Variants in RAVER2 observed in about 807,000 individuals in gnomAD.
The protein encoded by RAVER2 is ribonucleoprotein PTB-binding 2.
In RAVER2, 46 loss-of-function variants were observed where a neutral mutation model predicts 78.1. The observed-to-expected ratio is 0.59, with a 90% confidence interval of 0.46 to 0.75. The LOEUF is 0.75. Ranked by LOEUF, RAVER2 falls within the 30% of genes least tolerant of loss-of-function variation. RAVER2 has a pLI of 0.00. For missense variants in RAVER2, 793 were observed against 837.5 expected (o/e 0.95, Z 0.66); for synonymous variants, 311 against 313.3 (o/e 0.99, Z 0.08).
intron 11 of RAVER2, among the ~76,000 whole-genome samples, chr1:64,821,164 T>C (rs1653878829): frequency 6.6e-6 from 1 of 152,212 alleles, no homozygotes; most frequent in East Asian, 1.9e-4. Flanking sequence ...TTCAGTGATA[T>C]TGAGCTTTTT....
intron 6 of RAVER2, 40 bp downstream of exon 6, chr1:64,803,101 G>A (rs748587464): frequency 1.3e-5 from 18 of 1,392,680 alleles, no homozygotes; most frequent in South Asian, 7.4e-5. Context: ...TTAAATATTC[G>A]GAGTGAATAT....
rs192475494 is a variant in RAVER2, at chr1:64,812,767, G to C, written c.1710G>C (p.Leu570Phe). The change falls in exon 10 of 12, where the codon TTG becomes TTC. Residue 570 changes from leucine to phenylalanine, a missense_variant. Coordinates refer to ENST00000294428, the Ensembl canonical transcript of RAVER2. ...CCTCTAAGAATCAAACTTCACTCTTGGGAGAACCACCAAAAGAAATTCGGC... is the reference window on the plus strand; with the variant it reads ...CCTCTAAGAATCAAACTTCACTCTTCGGAGAACCACCAAAAGAAATTCGGC... The C allele has an allele frequency of 3.1e-6, 5 of 1,611,962 alleles. No homozygotes were observed. The East Asian group carries it at 1.1e-4, about 36-fold the overall frequency.
chr1:64,789,042 C>T (rs956586678), intron 4 of RAVER2, among the ~76,000 whole-genome samples: 5 of 152,102 alleles, frequency 3.3e-5, no homozygotes, highest in Non-Finnish European at 7.3e-5. Flanking sequence ...TAAGAAGGCT[C>T]TTCTGTAGTA....
At chr1:64,807,417 G>A in exon 9 of RAVER2, 1 of 1,614,108 alleles carries the variant, frequency 6.2e-7, no homozygotes, top group South Asian at 1.1e-5. Context: ...GAAGCTTGCT[G>A]GTGGGACACC....
chr1:64,765,387 TA>T (rs762649274), intron 1 of RAVER2, among the ~76,000 whole-genome samples: 56 of 152,162 alleles, frequency 3.7e-4, no homozygotes, highest in Non-Finnish European at 6.8e-4. Context: ...AATGGATACA[TA>T]AATTATACTA....
At chr1:64,759,250 T>G (rs1187699864) in intron 1 of RAVER2, among the ~76,000 whole-genome samples, 1 of 151,996 alleles carries the variant, frequency 6.6e-6, no homozygotes, top group Non-Finnish European at 1.5e-5. Flanking sequence ...GACGGAGTCT[T>G]GCTGTTTTGC....
At chr1:64,769,610 TC>T (rs1238714977) in intron 2 of RAVER2, among the ~76,000 whole-genome samples, 2 of 152,010 alleles carry the variant, frequency 1.3e-5, no homozygotes, top group African/African-American at 4.8e-5. Flanking sequence ...ATGTATCCCT[TC>T]CAGGTGAAAG....
At chr1:64,764,627 A>C (rs1482219138) in intron 1 of RAVER2, among the ~76,000 whole-genome samples, 1 of 152,242 alleles carries the variant, frequency 6.6e-6, no homozygotes, top group Non-Finnish European at 1.5e-5. Context: ...ACACTGTAGG[A>C]GAATACACTC....
chr1:64,776,850 T>C (rs908441983), intron 2 of RAVER2, among the ~76,000 whole-genome samples: 2 of 152,238 alleles, frequency 1.3e-5, no homozygotes, highest in Non-Finnish European at 2.9e-5. Flanking sequence ...TTTAGAATGT[T>C]ATATTTGTAT....
At position 64,781,888 on chromosome 1, in the gene RAVER2, CT is replaced by C. The variant is rs112493187; in HGVS notation, c.978+322del. ...ATAAATTTTGAGTGTAACATGCCTC[CT>C]TTTTCTTTTTCTTTTCTTTTTTTTT... On this transcript the variant is annotated intron_variant, in intron 4 of 11. Transcript: ENST00000294428. Among the ~76,000 whole-genome samples the C allele has an allele frequency of 1.9e-3, 293 of 151,986 alleles. 1 individual carries two copies. The highest frequency in any genetic ancestry group is 6.7e-3 in the African/African-American group (279 of 41,490).
chr1:64,769,037 A>G (rs1314525992), intron 2 of RAVER2, among the ~76,000 whole-genome samples: 1 of 152,024 alleles, frequency 6.6e-6, no homozygotes, highest in East Asian at 1.9e-4. Flanking sequence ...AATAGACTGT[A>G]TGACTTGACC....
At chr1:64,757,298 A>G (rs1167523004) in intron 1 of RAVER2, among the ~76,000 whole-genome samples, 1 of 152,150 alleles carries the variant, frequency 6.6e-6, no homozygotes, top group Admixed American at 6.5e-5. Flanking sequence ...CTCCAAATTG[A>G]TATGTTGAAG....
chr1:64,789,572 T>A (rs1557595537), intron 5 of RAVER2, 58 bp downstream of exon 5: 1 of 1,315,094 alleles, frequency 7.6e-7, no homozygotes, highest in Non-Finnish European at 9.9e-7. Flanking sequence ...AGTTAATTTT[T>A]TCACATGTGA....
intron 11 of RAVER2, among the ~76,000 whole-genome samples, chr1:64,817,044 A>C (rs1653772778): frequency 6.6e-6 from 1 of 152,234 alleles, no homozygotes; most frequent in East Asian, 1.9e-4. Flanking sequence ...AAAGAACTCA[A>C]ACAAATTTAC....
At chr1:64,775,499 T>G (rs1456009242) in intron 2 of RAVER2, among the ~76,000 whole-genome samples, 1 of 152,076 alleles carries the variant, frequency 6.6e-6, no homozygotes, top group African/African-American at 2.4e-5. Flanking sequence ...GGAATGGGTG[T>G]GATTGCCCCC....
chr1:64,778,767 C>T (rs1176338528), intron 3 of RAVER2, among the ~76,000 whole-genome samples: 1 of 148,870 alleles, frequency 6.7e-6, no homozygotes, highest in Non-Finnish European at 1.5e-5. Flanking sequence ...TCAATTATTT[C>T]TCTCTTGTTT....
intron 9 of RAVER2, among the ~76,000 whole-genome samples, chr1:64,812,292 G>A (rs1653632923): frequency 6.6e-6 from 1 of 150,722 alleles, no homozygotes; most frequent in African/African-American, 2.4e-5. Flanking sequence ...AACCTGGGAG[G>A]CGGAGGTTTC....
At chr1:64,776,245 TA>T (rs1157858972) in intron 2 of RAVER2, among the ~76,000 whole-genome samples, 1 of 152,156 alleles carries the variant, frequency 6.6e-6, no homozygotes, top group Non-Finnish European at 1.5e-5. Context: ...TCAAGCCTTT[TA>T]AAAAAGATTG....
chr1:64,759,144 T>C (rs1411505524), intron 1 of RAVER2, among the ~76,000 whole-genome samples: 1 of 151,792 alleles, frequency 6.6e-6, no homozygotes, highest in East Asian at 1.9e-4. Flanking sequence ...ATTAGGTTAG[T>C]GTACAGTAAG....
Sources: gnomAD v4.1 joint callset for allele counts (sites outside exome capture counted in the v4.1 genomes callset) on GRCh38, gnomAD v4.1.1 for gene constraint, MANE v1.5 for transcripts, NCBI Gene and HGNC (gene_info 2026-07-23, HGNC 2026-07-21) for gene names.